GAS7: variants seen among roughly 807,000 people sequenced by gnomAD.
The protein encoded by GAS7 is growth arrest specific 7.
Under a neutral mutation model 71.1 loss-of-function variants are expected in GAS7, and 28 were observed. The observed-to-expected ratio is 0.39, with a 90% CI of 0.29 to 0.54. GAS7 has a LOEUF of 0.54. GAS7 is among the 20% of genes least tolerant of loss of function. GAS7 has a pLI of 0.62. For missense variants in GAS7, 436 were observed against 627.8 expected, an observed-to-expected ratio of 0.69 and a Z score of 3.27; for synonymous variants, 258 against 245.8, an observed-to-expected ratio of 1.05 and a Z score of -0.46.
intron 1 of GAS7, among the ~76,000 whole-genome samples, chr17:10,118,895 A>G (rs2073884053): frequency 6.6e-6 from 1 of 152,082 alleles, no homozygotes; most frequent in Non-Finnish European, 1.5e-5. Flanking sequence ...CAACGTACAC[A>G]TGCCACATGG....
intron 3 of GAS7, among the ~76,000 whole-genome samples, chr17:9,971,949 C>A (rs1282591528): frequency 6.6e-6 from 1 of 152,214 alleles, no homozygotes; most frequent in Non-Finnish European, 1.5e-5. Flanking sequence ...CCCCGTTCTC[C>A]ACCACTTGCA....
intron 2 of GAS7, among the ~76,000 whole-genome samples, chr17:9,988,201 C>T (rs1189598923): frequency 6.6e-6 from 1 of 152,252 alleles, no homozygotes; most frequent in African/African-American, 2.4e-5. Flanking sequence ...GGTCTCTCTA[C>T]CCATGGCTTC....
At chr17:10,002,566 C>A (rs1420969640) in intron 2 of GAS7, among the ~76,000 whole-genome samples, 1 of 152,148 alleles carries the variant, frequency 6.6e-6, no homozygotes, top group Non-Finnish European at 1.5e-5. Context: ...CCCCGTCCCC[C>A]CATCCCACAA....
At chr17:9,964,694 A>G (rs1005133184) in intron 4 of GAS7, among the ~76,000 whole-genome samples, 2 of 152,152 alleles carry the variant, frequency 1.3e-5, no homozygotes, top group Non-Finnish European at 2.9e-5. Flanking sequence ...TTCTCACAGC[A>G]TCCACTTCCT....
At chr17:10,019,996 T>C in intron 1 of GAS7, 99 bp from the exon 2 acceptor site, 2 of 1,189,432 alleles carry the variant, frequency 1.7e-6, no homozygotes, top group Non-Finnish European at 2.4e-6. Context: ...TACAGTAGCG[T>C]GACATTGGGA....
intron 1 of GAS7, among the ~76,000 whole-genome samples, chr17:10,095,426 T>G (rs1171351638): frequency 6.6e-6 from 1 of 152,142 alleles, no homozygotes; most frequent in African/African-American, 2.4e-5. Context: ...CCTGCCAAAG[T>G]GCTGAGATTA....
At chr17:9,928,056 CT>C (rs968725517) in intron 9 of GAS7, among the ~76,000 whole-genome samples, 5 of 152,004 alleles carry the variant, frequency 3.3e-5, no homozygotes, top group African/African-American at 1.2e-4. Context: ...TTTAAAAGAA[CT>C]TTTCCTTAAA....
intron 10 of GAS7, among the ~76,000 whole-genome samples, chr17:9,925,837 T>C (rs188480522): frequency 1.3e-5 from 2 of 152,176 alleles, no homozygotes; most frequent in African/African-American, 2.4e-5. Context: ...TACCTCAATC[T>C]CTCAAACCAC....
intron 2 of GAS7, among the ~76,000 whole-genome samples, chr17:9,995,546 A>C (rs1346811850): frequency 1.6e-4 from 24 of 151,178 alleles, no homozygotes; most frequent in South Asian, 8.3e-4. Context: ...ATAACAAAAA[A>C]AAAAAAAAAA....
At chr17:10,095,495 T>C (rs1017427193) in intron 1 of GAS7, among the ~76,000 whole-genome samples, 1 of 152,134 alleles carries the variant, frequency 6.6e-6, no homozygotes, top group Non-Finnish European at 1.5e-5. Context: ...ATAAAATTCA[T>C]CCTTTGAAGG....
At chr17:10,044,485 T>C (rs999833965) in intron 1 of GAS7, among the ~76,000 whole-genome samples, 4 of 152,330 alleles carry the variant, frequency 2.6e-5, no homozygotes, top group Admixed American at 6.5e-5. Flanking sequence ...GTCTGAGTGT[T>C]TGTGTGGGTA....
chr17:9,917,943 CA>C lies in GAS7; in HGVS notation c.1317+57del, dbSNP rs1412037724. The C allele has an allele frequency of 2.4e-6, 3 of 1,242,530 alleles. No individual in the cohort carries two copies. The African/African-American group carries it at 4.4e-5, about 18-fold the overall frequency. 77.0% of individuals were successfully genotyped at this position (1,242,530 alleles called of 1,614,324 possible). A position where few individuals can be genotyped will look rare whatever the true frequency, so the allele number is the denominator to read the frequency against. Reference sequence around the variant, plus strand: ...CACTTAACCTGCCACGGCCTAGCGCCAGGCGGCTCTCCCCAGGCCCCGTGTC... The same window carrying C: ...CACTTAACCTGCCACGGCCTAGCGCCGGCGGCTCTCCCCAGGCCCCGTGTC... On this transcript the variant is annotated intron_variant, in intron 13 of 13. Coordinates refer to ENST00000432992, the MANE Select transcript of GAS7 (RefSeq NM_201433.2).
intron 1 of GAS7, among the ~76,000 whole-genome samples, chr17:10,109,369 G>C (rs1226737371): frequency 6.6e-6 from 1 of 152,150 alleles, no homozygotes; most frequent in Admixed American, 6.5e-5. Context: ...TTCCATTCAT[G>C]TTGCTGCTAA....
intron 1 of GAS7, among the ~76,000 whole-genome samples, chr17:10,136,330 C>A (rs558199252): frequency 6.9e-4 from 105 of 152,276 alleles, no homozygotes; most frequent in African/African-American, 2.3e-3. Flanking sequence ...GACATCCAAA[C>A]CCTTTAGTTA....
chr17:10,004,738 A>G (rs62065810), intron 2 of GAS7, among the ~76,000 whole-genome samples: 36,875 of 152,116 alleles, frequency 0.24, 6,959 homozygotes, highest in African/African-American at 0.53. Context: ...TAGGCTGGGC[A>G]CGGTGGCTCG....
chr17:9,982,359 G>A (rs2070441907), intron 2 of GAS7, among the ~76,000 whole-genome samples: 1 of 152,182 alleles, frequency 6.6e-6, no homozygotes, highest in Admixed American at 6.5e-5. Context: ...GGGGCCCTCT[G>A]CCACCTGGTG....
At chr17:10,062,859 C>A (rs934578847) in intron 1 of GAS7, among the ~76,000 whole-genome samples, 1 of 152,222 alleles carries the variant, frequency 6.6e-6, no homozygotes, top group Non-Finnish European at 1.5e-5. Flanking sequence ...CAGCTCCCAC[C>A]GCAAATGCCC....
At chr17:9,936,565 C>T (rs1338958531) in intron 8 of GAS7, among the ~76,000 whole-genome samples, 6 of 152,150 alleles carry the variant, frequency 3.9e-5, no homozygotes, top group African/African-American at 1.4e-4. Context: ...TTCAGAGGGG[C>T]CCCTCTGAGC....
chr17:10,174,880 C>A (rs1327664819), intron 1 of GAS7, among the ~76,000 whole-genome samples: 1 of 152,102 alleles, frequency 6.6e-6, no homozygotes, highest in Non-Finnish European at 1.5e-5. Flanking sequence ...GGGTCTCACT[C>A]TGTCACCCAG....
Sources: allele counts gnomAD v4.1 joint callset (sites outside exome capture counted in the v4.1 genomes callset), GRCh38; gene constraint gnomAD v4.1.1; transcripts MANE v1.5; gene names NCBI Gene and HGNC (gene_info 2026-07-23, HGNC 2026-07-21).